The following PEMT variants were observed in gnomAD, a reference collection of about 807,000 sequenced individuals.
The protein encoded by PEMT is phospholipid methyltransferase.
A neutral mutation model predicts 27.4 loss-of-function variants in PEMT; 23 were observed. The ratio of observed to expected loss-of-function variants is 0.84; its 90% CI spans 0.60 to 1.19. The LOEUF (loss-of-function observed/expected upper bound fraction) is 1.19. Among genes scored for constraint, PEMT ranks in the 50% most tolerant of loss-of-function variants. PEMT has a pLI of 0.00. For missense variants in PEMT, 307 were observed against 310.1 expected (o/e 0.99, Z 0.07); for synonymous variants, 137 against 139.1 (o/e 0.98, Z 0.11).
intron 2 of PEMT, among the ~76,000 whole-genome samples, chr17:17,564,110 T>C (rs9903779): frequency 6.6e-6 from 1 of 152,108 alleles, no homozygotes; most frequent in African/African-American, 2.4e-5. Flanking sequence ...GGCGGAGGCA[T>C]GGGTGGGTCA....
intron 2 of PEMT, among the ~76,000 whole-genome samples, chr17:17,524,810 A>G (rs1195434165): frequency 1.3e-5 from 2 of 152,062 alleles, no homozygotes; most frequent in African/African-American, 2.4e-5. Flanking sequence ...TTCCCTAATG[A>G]TAAAGAAATA....
chr17:17,568,366 C>A (rs1307674763), intron 2 of PEMT, among the ~76,000 whole-genome samples: 2 of 152,154 alleles, frequency 1.3e-5, no homozygotes, highest in Non-Finnish European at 2.9e-5. Context: ...TGTGAGCTTT[C>A]TTATTAACCA....
At chr17:17,541,964 C>T (rs889152571) in intron 2 of PEMT, among the ~76,000 whole-genome samples, 1 of 152,224 alleles carries the variant, frequency 6.6e-6, no homozygotes, top group Non-Finnish European at 1.5e-5. Context: ...GCACAGCCCA[C>T]CTTCCTCTTT....
At chr17:17,521,092 G>A (rs1276392109) in intron 3 of PEMT, among the ~76,000 whole-genome samples, 1 of 152,240 alleles carries the variant, frequency 6.6e-6, no homozygotes, top group African/African-American at 2.4e-5. Context: ...ACGGGCAATG[G>A]GGAGAGCCAG....
Position 17,582,235 on chromosome 17 carries a change from C to G in PEMT, c.97-5208G>C. The G allele has an allele frequency of 2.0e-6, 2 of 983,676 alleles. No individual in the cohort carries two copies. Among genetic ancestry groups the G allele is most frequent in the Non-Finnish European group, 2.4e-6 (2 of 828,370 alleles). 60.9% of individuals were successfully genotyped at this position (983,676 alleles called of 1,614,324 possible). A position where few individuals can be genotyped will look rare whatever the true frequency, so the allele number is the denominator to read the frequency against. On this transcript the variant is annotated intron_variant, in intron 1 of 6. Coordinates refer to ENST00000255389, the MANE Select transcript of PEMT (RefSeq NM_148172.3). This position sits in a 1 kb window ranked among gnomAD's most constrained non-coding sequence, Gnocchi z 4.9. ...CCAAGGCTCCAGGTTGCAGAGGCCTCGGAATCTGACTAAAGGAAAGGAGCT... is the reference window on the plus strand; with the variant it reads ...CCAAGGCTCCAGGTTGCAGAGGCCTGGGAATCTGACTAAAGGAAAGGAGCT...
chr17:17,538,548 C>T (rs1187855289), intron 2 of PEMT, among the ~76,000 whole-genome samples: 1 of 140,974 alleles, frequency 7.1e-6, no homozygotes, highest in Non-Finnish European at 1.6e-5. Context: ...GAACAAGACT[C>T]TGTCTCCAAA....
chr17:17,544,777 C>A (rs1392811928), intron 2 of PEMT, among the ~76,000 whole-genome samples: 2 of 152,186 alleles, frequency 1.3e-5, no homozygotes, highest in African/African-American at 2.4e-5. Flanking sequence ...AACCAGCAGA[C>A]ACGGGTCCAA....
intron 2 of PEMT, among the ~76,000 whole-genome samples, chr17:17,531,042 C>CAA (rs753558318): frequency 1.0e-4 from 7 of 66,918 alleles, no homozygotes; most frequent in Admixed American, 3.4e-4. Flanking sequence ...GACTCCGTCT[C>CAA]AAAAAAAAAA....
chr17:17,534,827 A>G (rs538621207), intron 2 of PEMT, among the ~76,000 whole-genome samples: 19 of 152,334 alleles, frequency 1.2e-4, no homozygotes, highest in African/African-American at 4.1e-4. Context: ...CATCTCTAAA[A>G]AAGGCAACTC....
chr17:17,555,389 C>A (rs4646374), intron 2 of PEMT, among the ~76,000 whole-genome samples: 3,533 of 152,322 alleles, frequency 0.023, 122 homozygotes, highest in East Asian at 0.1. Context: ...GCCCACCTCC[C>A]GAGCCTCGGC....
intron 2 of PEMT, chr17:17,565,123 C>A (rs563332556): frequency 2.0e-5 from 3 of 152,530 alleles, no homozygotes; most frequent in Non-Finnish European, 4.4e-5. Flanking sequence ...CCTCAGGACC[C>A]TCCTAATTGG....
intron 2 of PEMT, among the ~76,000 whole-genome samples, chr17:17,544,851 C>T (rs866389937): frequency 6.6e-6 from 1 of 152,204 alleles, no homozygotes; most frequent in Non-Finnish European, 1.5e-5. Context: ...GAAAGGCGGG[C>T]ATTTTAGCCA....
At chr17:17,531,959 T>C (rs1041960024) in intron 2 of PEMT, among the ~76,000 whole-genome samples, 1 of 152,168 alleles carries the variant, frequency 6.6e-6, no homozygotes, top group Admixed American at 6.5e-5. Flanking sequence ...TGGCAGAAAA[T>C]ATTGGCAAAG....
intron 2 of PEMT, among the ~76,000 whole-genome samples, chr17:17,557,299 GCCACCCTGTACTGGGCT>G (rs1910123580): frequency 6.6e-6 from 1 of 152,202 alleles, no homozygotes; most frequent in African/African-American, 2.4e-5. Flanking sequence ...GACACCTCTG[GCCACCCTGTACTGGGCT>G]CCACTGGCCC....
At chr17:17,508,756 AC>A (rs1415197738) in intron 5 of PEMT, 4 of 467,860 alleles carry the variant, frequency 8.5e-6, no homozygotes, top group Non-Finnish European at 1.8e-5. Context: ...CAGTACCCGT[AC>A]CTGGCTGAGG....
chr17:17,569,606 C>T (rs566874817), intron 2 of PEMT, among the ~76,000 whole-genome samples: 3 of 152,348 alleles, frequency 2.0e-5, no homozygotes, highest in Non-Finnish European at 4.4e-5. Context: ...TACAGCTCCC[C>T]TTCAGGTTTA....
chr17:17,517,893 C>T (rs916818324), intron 3 of PEMT: 18 of 802,640 alleles, frequency 2.2e-5, no homozygotes, highest in Admixed American at 1.2e-4. Flanking sequence ...GCCAGGGCTC[C>T]GCCTGCACCC....
At chr17:17,524,871 A>G (rs1377356690) in intron 2 of PEMT, among the ~76,000 whole-genome samples, 1 of 152,188 alleles carries the variant, frequency 6.6e-6, no homozygotes, top group Non-Finnish European at 1.5e-5. Context: ...GCACTTTGGG[A>G]GGCCGAGGCA....
At chr17:17,568,176 C>CATA (rs1197025445) in intron 2 of PEMT, among the ~76,000 whole-genome samples, 1 of 152,188 alleles carries the variant, frequency 6.6e-6, no homozygotes, top group Non-Finnish European at 1.5e-5. Context: ...TGTCTACACT[C>CATA]ATATCCCTTT....
Sources: gnomAD v4.1 joint callset for allele counts (sites outside exome capture counted in the v4.1 genomes callset) on GRCh38, gnomAD v4.1.1 for gene constraint, Gnocchi (gnomAD v3.1) non-coding constraint, MANE v1.5 for transcripts, NCBI Gene and HGNC (gene_info 2026-07-23, HGNC 2026-07-21) for gene names.